Variants in C3orf49 observed in about 807,000 individuals in gnomAD.
C3orf49 encodes chromosome 3 open reading frame 49.
C3orf49 carries 27 observed loss-of-function variants against 13.3 expected under a neutral mutation model. That is an observed-to-expected ratio of 2.02 (90% CI 1.49 to 2.79). C3orf49 has a LOEUF of 2.79. Ranked by LOEUF, C3orf49 falls within the 30% of genes most tolerant of loss-of-function variation. The pLI, the probability that C3orf49 is intolerant of heterozygous loss-of-function variation, is 0.00. For synonymous variants in C3orf49, 87 were observed against 47.6 expected, an observed-to-expected ratio of 1.83 and a Z score of -3.40; for missense variants, 242 against 134.2, an observed-to-expected ratio of 1.80 and a Z score of -3.97.
the C3orf49 span, chr3:63,787,359 A>G: frequency 6.6e-6 from 1 of 152,212 alleles, no homozygotes; most frequent in East Asian, 1.9e-4. Context: ...GAGAGCACTC[A>G]CAGACACTGG....
At chr3:63,834,017 A>T in intron 5 of C3orf49, 1 of 932,834 alleles carries the variant, frequency 1.1e-6, no homozygotes, top group Non-Finnish European at 1.6e-6. Flanking sequence ...CATACTTAAA[A>T]ACAGAGTATT....
intron 6 of C3orf49, among the ~76,000 whole-genome samples, chr3:63,847,323 C>G (rs930907279): frequency 1.1e-4 from 17 of 152,128 alleles, no homozygotes; most frequent in Admixed American, 1.1e-3. Context: ...AGGTTTTAAC[C>G]ATGGCCATTT....
At chr3:63,785,092 A>C in the C3orf49 span, among the ~76,000 whole-genome samples, 1 of 26,836 alleles carries the variant, frequency 3.7e-5, no homozygotes, top group Non-Finnish European at 7.1e-5. Context: ...TTTTTTTTTG[A>C]GACAGTGTCT....
Position 63,819,332 on chromosome 3 carries a change from C to G in C3orf49, c.-140C>G. 1.7e-6 allele frequency: 1 copy of G among 590,552 alleles called. No homozygotes were observed. The highest frequency in any genetic ancestry group is 3.0e-6 in the Non-Finnish European group (1 of 331,170). The allele number at this position is 590,552 out of a possible 1,614,324, so 36.6% of individuals were successfully genotyped here. On this transcript the variant is annotated 5_prime_UTR_variant, in exon 1 of 7. Transcript: ENST00000295896. The stretch of plus-strand genomic sequence containing the variant: ...CCTGGAAGGGAATAAGGGAAAGACT[C>G]TAAAAATTTCCTACATATTTTATTC...
chr3:63,792,097 A>G, the C3orf49 span, among the ~76,000 whole-genome samples: 1 of 152,214 alleles, frequency 6.6e-6, no homozygotes, highest in African/African-American at 2.4e-5. Flanking sequence ...TCATTGTGCA[A>G]TTGTTTGGAC....
intron 5 of C3orf49, chr3:63,834,329 A>G (rs906667719): frequency 1.2e-6 from 1 of 851,428 alleles, no homozygotes; most frequent in Non-Finnish European, 1.8e-6. Context: ...TAGTTGAATC[A>G]AACTTTAAAA....
At chr3:63,791,138 T>A in the C3orf49 span, among the ~76,000 whole-genome samples, 1 of 152,128 alleles carries the variant, frequency 6.6e-6, no homozygotes, top group Non-Finnish European at 1.5e-5. Flanking sequence ...CAGAAGCACA[T>A]TGAAATTGGT....
the C3orf49 span, among the ~76,000 whole-genome samples, chr3:63,804,089 C>A: frequency 4.6e-5 from 7 of 152,050 alleles, no homozygotes; most frequent in Middle Eastern, 0.01. Flanking sequence ...TGACAGGAGG[C>A]GGAGCTCAGG....
chr3:63,786,930 G>A, the C3orf49 span, among the ~76,000 whole-genome samples: 7 of 152,154 alleles, frequency 4.6e-5, no homozygotes, highest in Non-Finnish European at 7.3e-5. Flanking sequence ...ATCTAGGTGA[G>A]AATCAAATGA....
At chr3:63,847,076 T>A (rs183878977) in intron 6 of C3orf49, among the ~76,000 whole-genome samples, 4 of 152,140 alleles carry the variant, frequency 2.6e-5, no homozygotes, top group African/African-American at 9.6e-5. Flanking sequence ...GATCGAAGAA[T>A]TGCGTAGGCG....
At chr3:63,837,884 G>C in intron 5 of C3orf49, 3 of 1,111,252 alleles carry the variant, frequency 2.7e-6, no homozygotes, top group Non-Finnish European at 3.8e-6. Context: ...GGTTGATTCA[G>C]GCTGCAGATT....
At chr3:63,793,774 A>G in the C3orf49 span, among the ~76,000 whole-genome samples, 1 of 152,178 alleles carries the variant, frequency 6.6e-6, no homozygotes, top group African/African-American at 2.4e-5. Context: ...CTAGAATATC[A>G]GCTCCATGAG....
the C3orf49 span, among the ~76,000 whole-genome samples, chr3:63,806,962 C>CT: frequency 1.6e-4 from 24 of 149,646 alleles, no homozygotes; most frequent in African/African-American, 4.2e-4. Context: ...TTTTTTTTTT[C>CT]TTTTTTTTAG....
At chr3:63,815,725 C>T (rs923150680), upstream of C3orf49, among the ~76,000 whole-genome samples, 2 of 151,796 alleles carry the variant, frequency 1.3e-5, no homozygotes, top group African/African-American at 4.8e-5. Context: ...CTTTCTACCA[C>T]GTTTTTCTAC....
At chr3:63,835,321 T>C (rs1426684228) in intron 5 of C3orf49, 20 of 1,613,416 alleles carry the variant, frequency 1.2e-5, no homozygotes, top group Non-Finnish European at 1.7e-5. Flanking sequence ...TATATGCGAA[T>C]ACCTTATCTT....
intron 2 of C3orf49, 127 bp from the exon 3 acceptor site, chr3:63,827,474 C>T (rs1701478254): frequency 1.8e-6 from 1 of 568,808 alleles, no homozygotes; most frequent in Non-Finnish European, 3.1e-6. Flanking sequence ...TTATTCTTAA[C>T]TCTAAAGAAA....
upstream of C3orf49, among the ~76,000 whole-genome samples, chr3:63,815,035 C>T (rs1701308755): frequency 6.6e-6 from 1 of 152,144 alleles, no homozygotes; most frequent in African/African-American, 2.4e-5. Flanking sequence ...AGAGAGAGAG[C>T]AGGGAGTGCC....
rs576462748 is a variant in C3orf49, at chr3:63,822,771, G to T, written c.126-479G>T. On this transcript the variant is annotated intron_variant, in intron 1 of 6. Coordinates refer to ENST00000295896, the MANE Select transcript of C3orf49 (RefSeq NM_001355236.2). ...ATGCAGTATTTATGGGGCCTTGGAG[G>T]TTACTCCTTATTGACTACCCTAGCA... 5.9e-5 allele frequency among the ~76,000 whole-genome samples: 9 copies of T among 152,232 alleles called. No individual in the cohort carries two copies. The South Asian group carries it at 8.3e-4, about 14-fold the overall frequency.
chr3:63,804,405 T>A, the C3orf49 span, among the ~76,000 whole-genome samples: 4 of 152,148 alleles, frequency 2.6e-5, no homozygotes, highest in Admixed American at 2.0e-4. Flanking sequence ...TGCAGTATAA[T>A]CTCCCACGTG....
Sources: allele counts gnomAD v4.1 joint callset (sites outside exome capture counted in the v4.1 genomes callset), GRCh38; gene constraint gnomAD v4.1.1; transcripts MANE v1.5; gene names NCBI Gene and HGNC (gene_info 2026-07-23, HGNC 2026-07-21).